Variants in SLC30A9 observed in about 807,000 individuals in gnomAD.
SLC30A9 encodes the protein solute carrier family 30 member 9, also known as proton-coupled zinc antiporter SLC30A9, mitochondrial.
In SLC30A9, 58 loss-of-function variants were observed where a neutral mutation model predicts 87.5. That is an observed-to-expected ratio of 0.66 (90% CI 0.54 to 0.82). The LOEUF (loss-of-function observed/expected upper bound fraction) is 0.82. Among genes scored for constraint, SLC30A9 ranks in the 40% least tolerant of loss-of-function variants. The pLI is 0.00. For synonymous variants in SLC30A9, 234 were observed against 233.0 expected, an observed-to-expected ratio of 1.00 and a Z score of -0.04; for missense variants, 557 against 679.1, an observed-to-expected ratio of 0.82 and a Z score of 2.00.
intron 2 of SLC30A9, among the ~76,000 whole-genome samples, chr4:42,011,550 T>A (rs1255156868): frequency 1.3e-5 from 2 of 152,180 alleles, no homozygotes; most frequent in Non-Finnish European, 2.9e-5. Flanking sequence ...GAATGAACTC[T>A]GAGCACAAGA....
chr4:42,063,890 G>A (rs1012337913), intron 11 of SLC30A9, among the ~76,000 whole-genome samples: 1 of 152,106 alleles, frequency 6.6e-6, no homozygotes, highest in Non-Finnish European at 1.5e-5. Flanking sequence ...AAGTTGTCTT[G>A]CATTTGGAAA....
intron 8 of SLC30A9, among the ~76,000 whole-genome samples, chr4:42,047,649 A>C (rs557491776): frequency 2.0e-5 from 3 of 152,344 alleles, no homozygotes; most frequent in Admixed American, 2.0e-4. Context: ...AATTAGTTCA[A>C]CCATTGTGGA....
chr4:42,001,526 A>G (rs1184512414), intron 1 of SLC30A9, 90 bp from the exon 2 acceptor site: 2 of 622,828 alleles, frequency 3.2e-6, no homozygotes, highest in Admixed American at 6.1e-5. Context: ...ACCTAGAAGC[A>G]GTGAAACACC....
intron 6 of SLC30A9, among the ~76,000 whole-genome samples, chr4:42,031,266 GA>G (rs200751323): frequency 6.9e-4 from 96 of 138,958 alleles, no homozygotes; most frequent in East Asian, 2.9e-3. Flanking sequence ...ATGAATACAT[GA>G]AAAAAAAAAA....
intron 2 of SLC30A9, among the ~76,000 whole-genome samples, chr4:42,006,561 C>T (rs893945005): frequency 1.3e-5 from 2 of 151,908 alleles, no homozygotes; most frequent in African/African-American, 2.4e-5. Flanking sequence ...GTGGTGTGCA[C>T]CTATAGTCCC....
At chr4:42,000,855 A>G (rs1207621794) in intron 1 of SLC30A9, among the ~76,000 whole-genome samples, 1 of 152,100 alleles carries the variant, frequency 6.6e-6, no homozygotes, top group Non-Finnish European at 1.5e-5. Context: ...CTAAAACTTT[A>G]CAAAATATAT....
intron 6 of SLC30A9, among the ~76,000 whole-genome samples, chr4:42,033,723 A>C (rs541357536): frequency 3.9e-5 from 6 of 152,210 alleles, no homozygotes; most frequent in East Asian, 3.9e-4. Flanking sequence ...CTATAGGCAC[A>C]TGCCACCATG....
intron 9 of SLC30A9, among the ~76,000 whole-genome samples, chr4:42,049,796 AATC>A (rs1717316116): frequency 6.6e-6 from 1 of 152,168 alleles, no homozygotes; most frequent in African/African-American, 2.4e-5. Context: ...AAAGATGTAA[AATC>A]ATATGTAATT....
At position 42,037,239 on chromosome 4, in the gene SLC30A9, CTTTTTTTTTTTTTTTTTTTTTT is replaced by C. The variant is rs536795831; in HGVS notation, c.670-1734_670-1713del. Among the ~76,000 whole-genome samples, 265 of 91,250 alleles carry C rather than the reference CTTTTTTTTTTTTTTTTTTTTTT, an allele frequency of 2.9e-3. 3 individuals carry two copies. The highest frequency in any genetic ancestry group is 4.5e-3 in the Non-Finnish European group (218 of 48,064). The allele number at this position is 91,250 out of a possible 152,430, so 59.9% of individuals were successfully genotyped here. A position where few individuals can be genotyped will look rare whatever the true frequency, so the allele number is the denominator to read the frequency against. ...CCTGTTTGCAAAAATTAAATGCCTTCTTTTTTTTTTTTTTTTTTTTTTTTTTTTTTTTTTGTTATTTCTGACC... is the reference window on the plus strand; with the variant it reads ...CCTGTTTGCAAAAATTAAATGCCTTCTTTTTTTTTTTTGTTATTTCTGACC... On this transcript the variant is annotated intron_variant, in intron 7 of 17. Coordinates refer to ENST00000264451, the MANE Select transcript of SLC30A9 (RefSeq NM_006345.4).
Position 42,002,962 on chromosome 4 carries a change from A to C in SLC30A9, c.274+1182A>C, listed in dbSNP as rs150431987. Among the ~76,000 whole-genome samples the C allele has an allele frequency of 9.0e-3, 1,372 of 152,220 alleles. 23 individuals are homozygous for C. Among genetic ancestry groups the C allele is most frequent in the African/African-American group, 0.032 (1,319 of 41,570 alleles). On this transcript the variant is annotated intron_variant, in intron 2 of 17. Transcript: ENST00000264451. Reference sequence around the variant, plus strand: ...TTCTGTTATTAATTGTCAGTTAGACACTTAGTTTATTAACCCTTCCTTCCT... The same window carrying C: ...TTCTGTTATTAATTGTCAGTTAGACCCTTAGTTTATTAACCCTTCCTTCCT...
intron 1 of SLC30A9, among the ~76,000 whole-genome samples, chr4:41,997,988 G>A (rs533696337): frequency 6.6e-6 from 1 of 152,220 alleles, no homozygotes; most frequent in Non-Finnish European, 1.5e-5. Context: ...TTTATTTTTA[G>A]TTGTTGTTGC....
chr4:42,060,327 A>G, intron 10 of SLC30A9, 81 bp downstream of exon 10: 1 of 1,068,530 alleles, frequency 9.4e-7, no homozygotes, highest in Admixed American at 1.7e-5. Flanking sequence ...ATCTCCTGCA[A>G]TTTATGTACC....
intron 6 of SLC30A9, among the ~76,000 whole-genome samples, chr4:42,027,340 G>C (rs188422231): frequency 9.2e-5 from 14 of 152,306 alleles, no homozygotes; most frequent in South Asian, 2.1e-4. Context: ...CAACAGCAGA[G>C]TTGAGTAGCT....
intron 1 of SLC30A9, among the ~76,000 whole-genome samples, chr4:41,998,091 A>G (rs1714802923): frequency 6.6e-6 from 1 of 152,244 alleles, no homozygotes; most frequent in South Asian, 2.1e-4. Flanking sequence ...AATGATGGCC[A>G]GATTTTCTCT....
At chr4:42,036,160 A>G (rs780129930) in intron 7 of SLC30A9, among the ~76,000 whole-genome samples, 16 of 152,096 alleles carry the variant, frequency 1.1e-4, no homozygotes, top group Admixed American at 6.6e-4. Flanking sequence ...TGAAATAGCT[A>G]TTGCATATCT....
intron 8 of SLC30A9, among the ~76,000 whole-genome samples, chr4:42,042,093 A>G (rs1463664191): frequency 1.3e-5 from 2 of 152,150 alleles, no homozygotes; most frequent in Non-Finnish European, 2.9e-5. Flanking sequence ...GGGTGCCTAC[A>G]CCGCCAGGGC....
intron 10 of SLC30A9, among the ~76,000 whole-genome samples, chr4:42,062,374 CAAT>C (rs1399678408): frequency 6.6e-6 from 1 of 151,700 alleles, no homozygotes; most frequent in Non-Finnish European, 1.5e-5. Context: ...TCAGTACTAA[CAAT>C]AATACAAAAT....
At chr4:42,067,651 A>G (rs1189115549) in intron 14 of SLC30A9, among the ~76,000 whole-genome samples, 1 of 152,206 alleles carries the variant, frequency 6.6e-6, no homozygotes, top group African/African-American at 2.4e-5. Context: ...GTTGCGAAAA[A>G]TATCAATTCC....
intron 15 of SLC30A9, among the ~76,000 whole-genome samples, chr4:42,072,471 A>G (rs1050107253): frequency 2.0e-5 from 3 of 152,034 alleles, no homozygotes; most frequent in African/African-American, 7.2e-5. Flanking sequence ...TTCATTATCT[A>G]ATAGTATTTT....
Sources: allele counts gnomAD v4.1 joint callset (sites outside exome capture counted in the v4.1 genomes callset), GRCh38; gene constraint gnomAD v4.1.1; transcripts MANE v1.5; gene names NCBI Gene and HGNC (gene_info 2026-07-23, HGNC 2026-07-21).